GDF6: variants seen among roughly 807,000 people sequenced by gnomAD.
The protein encoded by GDF6 is growth/differentiation factor 6.
A neutral mutation model predicts 32.4 loss-of-function variants in GDF6; 3 were observed. That is an observed-to-expected ratio of 0.09 (90% confidence interval 0.04 to 0.24). The LOEUF (loss-of-function observed/expected upper bound fraction) is 0.24. Ranked by LOEUF, GDF6 falls within the 10% of genes least tolerant of loss-of-function variation. The pLI, the probability that GDF6 is intolerant of heterozygous loss-of-function variation, is 1.00. For missense variants in GDF6, 589 were observed against 637.9 expected, an observed-to-expected ratio of 0.92 and a Z score of 0.83; for synonymous variants, 296 against 295.3, an observed-to-expected ratio of 1.00 and a Z score of -0.03.
chr8:96,145,132 G>A lies in GDF6; in HGVS notation c.799C>T (p.Arg267Trp). Residue 267 changes from arginine to tryptophan, a missense_variant, in exon 2 of 2, where the codon CGG becomes TGG. Coordinates refer to ENST00000287020, the MANE Select transcript of GDF6 (RefSeq NM_001001557.4). This position sits in a 1 kb window ranked among gnomAD's most constrained non-coding sequence, Gnocchi z 5.6. The part of the protein sequence containing the change: ...PPDLRSLGFG[R>W]RVRPPQERAL... Reference sequence around the variant, plus strand: ...CGCTCCTGGGGAGGCCGCACCCTCCGGCCGAAGCCCAGACTCCGCAGGTCC... The same window carrying A: ...CGCTCCTGGGGAGGCCGCACCCTCCAGCCGAAGCCCAGACTCCGCAGGTCC... 1 of 1,514,422 alleles carries A rather than the reference G, an allele frequency of 6.6e-7. No homozygotes were observed. Among genetic ancestry groups the A allele is most frequent in the Non-Finnish European group, 8.8e-7 (1 of 1,140,060 alleles). The allele number at this position is 1,514,422 out of a possible 1,614,324, so 93.8% of individuals were successfully genotyped here. A position where few individuals can be genotyped will look rare whatever the true frequency, so the allele number is the denominator to read the frequency against.
intron 1 of GDF6, among the ~76,000 whole-genome samples, chr8:96,157,320 A>T (rs954356478): frequency 6.6e-6 from 1 of 152,112 alleles, no homozygotes; most frequent in East Asian, 1.9e-4. Flanking sequence ...AGCGTCCTTC[A>T]TTCACTTTGG....
chr8:96,152,361 C>A (rs1433138737), intron 1 of GDF6, among the ~76,000 whole-genome samples: 2 of 152,188 alleles, frequency 1.3e-5, no homozygotes, highest in Non-Finnish European at 2.9e-5. Context: ...CTGCAGGGGT[C>A]AAGGCCAGTG....
At chr8:96,157,208 T>A (rs1370442273) in intron 1 of GDF6, among the ~76,000 whole-genome samples, 1 of 152,080 alleles carries the variant, frequency 6.6e-6, no homozygotes. Flanking sequence ...TGTTTTAGGT[T>A]TGTTTGGTTT....
At chr8:96,160,204 A>T in intron 1 of GDF6, 83 bp downstream of exon 1, 1 of 1,379,430 alleles carries the variant, frequency 7.2e-7, no homozygotes, top group Admixed American at 1.7e-5. Context: ...AAGGGAATTC[A>T]CAAATGTAGC....
chr8:96,150,731 C>A (rs1029878586), intron 1 of GDF6, among the ~76,000 whole-genome samples: 1 of 152,142 alleles, frequency 6.6e-6, no homozygotes, highest in African/African-American at 2.4e-5. Flanking sequence ...GTACTCTGAC[C>A]CCAGTCCTGC....
chr8:96,151,957 A>G (rs1052692308), intron 1 of GDF6, among the ~76,000 whole-genome samples: 1 of 152,200 alleles, frequency 6.6e-6, no homozygotes, highest in African/African-American at 2.4e-5. Flanking sequence ...GGATGTGCAT[A>G]GTACATAGAG....
intron 1 of GDF6, among the ~76,000 whole-genome samples, chr8:96,157,514 GAGCCA>G (rs1812688926): frequency 2.6e-5 from 4 of 152,222 alleles, no homozygotes; most frequent in Admixed American, 2.6e-4. Context: ...CGGCTCCACC[GAGCCA>G]GGCCAGCCCC....
intron 1 of GDF6, among the ~76,000 whole-genome samples, chr8:96,150,274 G>A (rs1812547248): frequency 1.3e-5 from 2 of 152,074 alleles, no homozygotes; most frequent in East Asian, 1.9e-4. Context: ...CTGGCCAGGC[G>A]TCCCGCCACG....
Position 96,145,084 on chromosome 8 carries a change from T to C in GDF6, c.847A>G (p.Arg283Gly). The C allele has an allele frequency of 6.6e-7, 1 of 1,515,024 alleles. No individual in the cohort carries two copies. Among genetic ancestry groups the C allele is most frequent in the African/African-American group, 1.4e-5 (1 of 69,972 alleles). The allele number at this position is 1,515,024 out of a possible 1,614,324, so 93.8% of individuals were successfully genotyped here. ...QERALLVVFT[R>G]SQRKNLFAEM... ...GCGAACAGGTTCTTGCGCTGGGATC[T>C]GGTGAATACCACCAGCAGGGCCCGC... The change falls in exon 2 of 2, where the codon AGA (arginine) becomes GGA (glycine). Residue 283 changes from arginine to glycine, a missense_variant. By Grantham distance (125) the Arg-to-Gly change is moderately radical. Around this residue, in one of 2 missense-constraint regions of GDF6, gnomAD observed 436 missense variants for 411.2 expected, o/e 1.06. Coordinates refer to ENST00000287020, the MANE Select transcript of GDF6 (RefSeq NM_001001557.4). This position sits in a 1 kb window ranked among gnomAD's most constrained non-coding sequence, Gnocchi z 5.6.
intron 1 of GDF6, among the ~76,000 whole-genome samples, chr8:96,147,743 T>C (rs1812508011): frequency 1.3e-5 from 2 of 152,230 alleles, no homozygotes; most frequent in South Asian, 4.1e-4. Flanking sequence ...GCCTCTCCAC[T>C]GTAGTCCAGG....
In GDF6 at chr8:96,145,780, G is replaced by C. The variant is rs979234387; in HGVS notation, c.407-256C>G. ...AGGGCGGAAGTCGGTGGCTGCTGGC[G>C]AGGCGGCGGCGGCGGCCTACCGGGT... On this transcript the variant is annotated intron_variant, in intron 1 of 1. Coordinates refer to ENST00000287020, the MANE Select transcript of GDF6 (RefSeq NM_001001557.4). This position sits in a 1 kb window ranked among gnomAD's most constrained non-coding sequence, Gnocchi z 5.6. 2.6e-5 allele frequency among the ~76,000 whole-genome samples: 4 copies of C among 152,116 alleles called. No homozygotes were observed. Among genetic ancestry groups the C allele is most frequent in the Non-Finnish European group, 5.9e-5 (4 of 67,990 alleles).
In GDF6 at chr8:96,160,370, G is replaced by C; in HGVS notation, c.323C>G (p.Ala108Gly). 1 of 1,614,208 alleles carries C rather than the reference G, an allele frequency of 6.2e-7. No individual in the cohort carries two copies. Among genetic ancestry groups the C allele is most frequent in the Non-Finnish European group, 8.5e-7 (1 of 1,180,038 alleles). The stretch of plus-strand genomic sequence containing the variant: ...GCTGGCATTGATGCCCAGCTTCTCA[G>C]CGATGGAGTAAGTCCTGTAGATTGA... Reference protein sequence around the residue: ...MLSIYRTYSIAEKLGINASFF... With the variant: ...MLSIYRTYSIGEKLGINASFF... The change falls in exon 1 of 2, where the codon GCT becomes GGT. Residue 108 changes from alanine to glycine, a missense_variant. This residue lies in a region of GDF6 where 436 missense variants were observed against 411.2 expected (regional missense o/e 1.06). Coordinates refer to ENST00000287020, the MANE Select transcript of GDF6 (RefSeq NM_001001557.4).
chr8:96,151,409 C>G (rs1480324619), intron 1 of GDF6, among the ~76,000 whole-genome samples: 1 of 152,184 alleles, frequency 6.6e-6, no homozygotes, highest in East Asian at 1.9e-4. Flanking sequence ...CTAAAAGAGA[C>G]AGCTTGAGTA....
chr8:96,149,082 C>G (rs1039687678), intron 1 of GDF6, among the ~76,000 whole-genome samples: 6 of 152,190 alleles, frequency 3.9e-5, no homozygotes, highest in Non-Finnish European at 5.9e-5. Context: ...AAAAAGCCAG[C>G]CCTTCATACT....
chr8:96,150,937 C>T (rs1007123364), intron 1 of GDF6, among the ~76,000 whole-genome samples: 12 of 152,316 alleles, frequency 7.9e-5, no homozygotes, highest in African/African-American at 2.6e-4. Context: ...TCACCTTCCG[C>T]GCTGCACTGA....
rs1812423682 is a variant in GDF6 at position 96,144,275 on chromosome 8, A to AGAGAGG, written c.*287_*288insCCTCTC. On this transcript the variant is annotated 3_prime_UTR_variant, in exon 2 of 2. Coordinates refer to ENST00000287020, the MANE Select transcript of GDF6 (RefSeq NM_001001557.4). The surrounding 1 kb of genome is among the most constrained non-coding windows in gnomAD (Gnocchi z 5.1). The stretch of plus-strand genomic sequence containing the variant: ...GAGAGAGAGAGAGAGAGAGAGAGAG[A>AGAGAGG]GAGAGAGAGAGAGAGAAAACAGAAC... 1 of 468,418 alleles carries AGAGAGG rather than the reference A, an allele frequency of 2.1e-6. No individual in the cohort carries two copies. The highest frequency in any genetic ancestry group is 3.9e-6 in the Non-Finnish European group (1 of 257,330). 29.0% of individuals were successfully genotyped at this position (468,418 alleles called of 1,614,324 possible). A position where few individuals can be genotyped will look rare whatever the true frequency, so the allele number is the denominator to read the frequency against.
chr8:96,160,748 G>T lies in GDF6; in HGVS notation c.-56C>A, dbSNP rs1185624940. The T allele has an allele frequency of 6.3e-7, 1 of 1,581,440 alleles. No individual in the cohort carries two copies. Among genetic ancestry groups the T allele is most frequent in the South Asian group, 1.1e-5 (1 of 90,112 alleles). On this transcript the variant is annotated 5_prime_UTR_variant, in exon 1 of 2. Coordinates refer to ENST00000287020, the MANE Select transcript of GDF6 (RefSeq NM_001001557.4). Reference sequence around the variant, plus strand: ...GCGGTGGCGGCGGCGCAGGACGCGCGGGGCACGGAGCGGCTGGACAGCGGC... The same window carrying T: ...GCGGTGGCGGCGGCGCAGGACGCGCTGGGCACGGAGCGGCTGGACAGCGGC...
intron 1 of GDF6, among the ~76,000 whole-genome samples, chr8:96,153,377 T>C (rs963951747): frequency 2.0e-5 from 3 of 152,202 alleles, no homozygotes; most frequent in African/African-American, 7.2e-5. Context: ...GCGGCTCAAA[T>C]CTTAATTTGA....
chr8:96,144,875 T>C lies in GDF6; in HGVS notation c.1056A>G (p.Leu352=). 6.2e-7 allele frequency: 1 copy of C among 1,613,740 alleles called. No homozygotes were observed. The highest frequency in any genetic ancestry group is 1.3e-5 in the African/African-American group (1 of 75,024). ...HGKRHGKKSR[L]RCSKKPLHVN... The stretch of plus-strand genomic sequence containing the variant: ...CGTGCAGGGGCTTCTTGCTGCAGCG[T>C]AGCCTGGACTTCTTGCCGTGCCGCT... The change falls in exon 2 of 2, where the codon CTA becomes CTG. Residue 352 remains leucine, a synonymous_variant. Coordinates refer to ENST00000287020, the MANE Select transcript of GDF6 (RefSeq NM_001001557.4). This position sits in a 1 kb window ranked among gnomAD's most constrained non-coding sequence, Gnocchi z 5.1.
Sources: allele counts gnomAD v4.1 joint callset (sites outside exome capture counted in the v4.1 genomes callset), GRCh38; gene constraint gnomAD v4.1.1; regional missense constraint gnomAD v4.1.1; non-coding constraint Gnocchi (gnomAD v3.1); transcripts MANE v1.5; gene names NCBI Gene and HGNC (gene_info 2026-07-23, HGNC 2026-07-21).